RPTOR: variants seen among roughly 807,000 people sequenced by gnomAD.
RPTOR encodes regulatory associated protein of MTOR complex 1, also known as regulatory-associated protein of mTOR.
RPTOR carries 21 observed loss-of-function variants against 169.9 expected under a neutral mutation model. The observed-to-expected ratio is 0.12, with a 90% CI of 0.09 to 0.18. The LOEUF is 0.18. Ranked by LOEUF, RPTOR falls within the 10% of genes least tolerant of loss-of-function variation. RPTOR has a pLI of 1.00. For synonymous variants in RPTOR, 732 were observed against 753.2 expected (o/e 0.97, Z 0.46); for missense variants, 1,133 against 1,855.9 (o/e 0.61, Z 7.16).
At position 80,845,715 on chromosome 17, in the gene RPTOR, T is replaced by TCCAGCCA. The variant is rs1471464063; in HGVS notation, c.1213-754_1213-748dup. On this transcript the variant is annotated intron_variant, in intron 10 of 33. Coordinates refer to ENST00000306801, the MANE Select transcript of RPTOR (RefSeq NM_020761.3). The surrounding 1 kb of genome is among the most constrained non-coding windows in gnomAD (Gnocchi z 5.4). Reference sequence around the variant, plus strand: ...AGCACTTCCTGACCCTACATCCCTCTCCAGCCACCACCTGTCTGTCTTGTT... The same window carrying TCCAGCCA: ...AGCACTTCCTGACCCTACATCCCTCTCCAGCCACCAGCCACCACCTGTCTGTCTTGTT... Among the ~76,000 whole-genome samples, 1 of 152,152 alleles carries TCCAGCCA rather than the reference T, an allele frequency of 6.6e-6. No individual in the cohort carries two copies. Among genetic ancestry groups the TCCAGCCA allele is most frequent in the Non-Finnish European group, 1.5e-5 (1 of 68,012 alleles).
rs377419073 is a variant in RPTOR at position 80,580,919 on chromosome 17, T to G, written c.162+35128T>G. Among the ~76,000 whole-genome samples the G allele has an allele frequency of 1.7e-4, 26 of 152,226 alleles. No homozygotes were observed. The South Asian group carries it at 4.4e-3, about 26-fold the overall frequency. On this transcript the variant is annotated intron_variant, in intron 1 of 33. Transcript: ENST00000306801. ...CTGGGGTTGCAGGCATGAGCCACCATGCCTAGCCTGTGTGGCCTTTCATAC... is the reference window on the plus strand; with the variant it reads ...CTGGGGTTGCAGGCATGAGCCACCAGGCCTAGCCTGTGTGGCCTTTCATAC...
intron 13 of RPTOR, among the ~76,000 whole-genome samples, chr17:80,868,153 C>G (rs1315112748): frequency 6.6e-6 from 1 of 152,144 alleles, no homozygotes; most frequent in Admixed American, 6.5e-5. Flanking sequence ...AGGCAAGACA[C>G]AGACTGGGAA....
At chr17:80,804,439 T>C (rs1418454967) in intron 7 of RPTOR, 4 of 152,204 alleles carry the variant, frequency 2.6e-5, no homozygotes, top group Admixed American at 6.5e-5. Flanking sequence ...CCCCGAAATA[T>C]GAAGAATTGT....
chr17:80,899,551 C>T (rs564282650), intron 20 of RPTOR, among the ~76,000 whole-genome samples: 1 of 152,252 alleles, frequency 6.6e-6, no homozygotes, highest in Non-Finnish European at 1.5e-5. Flanking sequence ...AGTTCACGCT[C>T]ATCAAGGTCA....
chr17:80,777,858 G>A (rs2066906358), intron 6 of RPTOR, among the ~76,000 whole-genome samples: 1 of 152,178 alleles, frequency 6.6e-6, no homozygotes, highest in Admixed American at 6.5e-5. Flanking sequence ...TGCAGGAATG[G>A]CAGAAATAGA....
At chr17:80,696,422 A>G (rs916142368) in intron 3 of RPTOR, among the ~76,000 whole-genome samples, 2 of 152,226 alleles carry the variant, frequency 1.3e-5, no homozygotes, top group South Asian at 4.1e-4. Context: ...AAAAAATGAT[A>G]CTGGGATAGT....
Position 80,961,426 on chromosome 17 carries a change from G to C in RPTOR, c.3638G>C (p.Trp1213Ser). ...RVMTYREHTA[W>S]VVKASLQKRP... ...ATGACGTACCGGGAGCACACAGCCT[G>C]GGTGGTGAAGGCCTCCCTGCAGAAG... Residue 1213 changes from tryptophan to serine, a missense_variant, in exon 31 of 34, where the codon TGG becomes TCG. Transcript: ENST00000306801. 1 of 1,551,204 alleles carries C rather than the reference G, an allele frequency of 6.4e-7. No homozygotes were observed. Among genetic ancestry groups the C allele is most frequent in the Non-Finnish European group, 8.7e-7 (1 of 1,147,808 alleles).
intron 1 of RPTOR, 65 bp downstream of exon 1, chr17:80,545,856 C>T (rs376096861): frequency 7.2e-7 from 1 of 1,384,032 alleles, no homozygotes; most frequent in Non-Finnish European, 9.8e-7. Flanking sequence ...GTTTACAGCC[C>T]GAAAAGTGTC....
chr17:80,946,632 C>T (rs1032059758), intron 26 of RPTOR, among the ~76,000 whole-genome samples: 5 of 152,258 alleles, frequency 3.3e-5, no homozygotes, highest in Admixed American at 2.0e-4. Flanking sequence ...TAAGGTTCCT[C>T]CAAGCTACAG....
chr17:80,896,824 T>C (rs938643777), intron 20 of RPTOR, among the ~76,000 whole-genome samples: 3 of 152,252 alleles, frequency 2.0e-5, no homozygotes, highest in Non-Finnish European at 1.5e-5. Context: ...GAACAGGGTG[T>C]ATCTTTCCAT....
At chr17:80,814,046 TGGGA>T (rs2067299780) in intron 7 of RPTOR, among the ~76,000 whole-genome samples, 1 of 151,776 alleles carries the variant, frequency 6.6e-6, no homozygotes, top group Non-Finnish European at 1.5e-5. Flanking sequence ...GAGGCTGAGG[TGGGA>T]GGATCGCTTG....
intron 28 of RPTOR, among the ~76,000 whole-genome samples, chr17:80,954,086 C>T (rs1568008522): frequency 6.6e-6 from 1 of 152,246 alleles, no homozygotes; most frequent in African/African-American, 2.4e-5. Context: ...CTCAGCCTCC[C>T]AACTAGCTGG....
chr17:80,790,804 A>G (rs562864603), intron 6 of RPTOR, among the ~76,000 whole-genome samples: 1 of 152,342 alleles, frequency 6.6e-6, no homozygotes, highest in Admixed American at 6.5e-5. Flanking sequence ...CATTTCTCCT[A>G]CTAAAAATAC....
intron 3 of RPTOR, among the ~76,000 whole-genome samples, chr17:80,665,330 TC>T (rs1451539693): frequency 1.9e-4 from 22 of 113,604 alleles, no homozygotes; most frequent in African/African-American, 8.0e-4. Context: ...TCTTTTCTTT[TC>T]CCTTTCCTTT....
chr17:80,812,483 A>G (rs1255376715), intron 7 of RPTOR, among the ~76,000 whole-genome samples: 1 of 151,992 alleles, frequency 6.6e-6, no homozygotes, highest in Non-Finnish European at 1.5e-5. Context: ...ACAACTGAGG[A>G]GTTTCCCCAG....
chr17:80,880,768 G>A (rs917112729), intron 14 of RPTOR, among the ~76,000 whole-genome samples: 4 of 152,122 alleles, frequency 2.6e-5, no homozygotes, highest in African/African-American at 9.7e-5. Context: ...CTTTTCACTG[G>A]GACTTCTTTG....
Position 80,871,339 on chromosome 17 carries a change from G to C in RPTOR, c.1510-9076G>C, listed in dbSNP as rs143254963. On this transcript the variant is annotated intron_variant, in intron 13 of 33. Transcript: ENST00000306801. Reference sequence around the variant, plus strand: ...TTAGTCAGGATGGTCTCGATCTCCTGACTGCGTGAGCCACCGCTCCCGGCC... The same window carrying C: ...TTAGTCAGGATGGTCTCGATCTCCTCACTGCGTGAGCCACCGCTCCCGGCC... 2.5e-3 allele frequency among the ~76,000 whole-genome samples: 385 copies of C among 152,300 alleles called. 1 individual carries two copies. The highest frequency in any genetic ancestry group is 8.9e-3 in the African/African-American group (369 of 41,554).
chr17:80,922,494 C>T (rs2068757472), intron 21 of RPTOR, among the ~76,000 whole-genome samples: 1 of 152,212 alleles, frequency 6.6e-6, no homozygotes, highest in South Asian at 2.1e-4. Context: ...CACACGGCCA[C>T]GCCAGGGCTA....
chr17:80,595,867 G>A (rs978888414), intron 1 of RPTOR, among the ~76,000 whole-genome samples: 1 of 152,140 alleles, frequency 6.6e-6, no homozygotes, highest in Non-Finnish European at 1.5e-5. Context: ...CTTCTTATAG[G>A]AGTCTTGACC....
Sources: allele counts gnomAD v4.1 joint callset (sites outside exome capture counted in the v4.1 genomes callset), GRCh38; gene constraint gnomAD v4.1.1; non-coding constraint Gnocchi (gnomAD v3.1); transcripts MANE v1.5; gene names NCBI Gene and HGNC (gene_info 2026-07-23, HGNC 2026-07-21).